The following EIF4G3 variants were observed in gnomAD, a reference collection of about 807,000 sequenced individuals.
EIF4G3 encodes the protein eukaryotic translation initiation factor 4 gamma 3.
A neutral mutation model predicts 186.4 loss-of-function variants in EIF4G3; 34 were observed. The observed-to-expected ratio is 0.18, with a 90% CI of 0.14 to 0.24. The LOEUF is 0.24. Ranked by LOEUF, EIF4G3 falls within the 10% of genes least tolerant of loss-of-function variation. The pLI is 1.00. For synonymous variants in EIF4G3, 673 were observed against 679.5 expected (o/e 0.99, Z 0.15); for missense variants, 1,536 against 1,948.5 (o/e 0.79, Z 3.99).
chr1:20,808,813 C>T (rs1031501302), intron 36 of EIF4G3, among the ~76,000 whole-genome samples: 2 of 152,022 alleles, frequency 1.3e-5, no homozygotes, highest in Non-Finnish European at 2.9e-5. Flanking sequence ...TTTTAATTCT[C>T]GGTTTTACTC....
At chr1:21,107,711 T>C (rs1043081791) in intron 2 of EIF4G3, among the ~76,000 whole-genome samples, 2 of 152,184 alleles carry the variant, frequency 1.3e-5, no homozygotes, top group African/African-American at 2.4e-5. Flanking sequence ...CAGGATCTCA[T>C]GCTGTCACCC....
At chr1:21,101,505 G>C (rs565348791) in intron 2 of EIF4G3, among the ~76,000 whole-genome samples, 1 of 140,162 alleles carries the variant, frequency 7.1e-6, no homozygotes, top group African/African-American at 2.6e-5. Flanking sequence ...AGGAGGTAGA[G>C]GTTGCAGTGA....
At chr1:21,070,874 G>C (rs2095421051) in intron 3 of EIF4G3, among the ~76,000 whole-genome samples, 1 of 152,042 alleles carries the variant, frequency 6.6e-6, no homozygotes, top group African/African-American at 2.4e-5. Flanking sequence ...AACTTCCAAA[G>C]AACTTGAAAG....
At chr1:20,827,070 G>C (rs2063834440) in intron 32 of EIF4G3, among the ~76,000 whole-genome samples, 1 of 152,162 alleles carries the variant, frequency 6.6e-6, no homozygotes. Flanking sequence ...GCGTAAGTAA[G>C]TCAGAAATCA....
At chr1:21,121,092 AT>A (rs1375637136) in intron 2 of EIF4G3, among the ~76,000 whole-genome samples, 1 of 152,030 alleles carries the variant, frequency 6.6e-6, no homozygotes, top group Non-Finnish European at 1.5e-5. Context: ...CTAATTTTTA[AT>A]ATTTTATACA....
chr1:20,945,342 G>A (rs1334787467), intron 13 of EIF4G3, among the ~76,000 whole-genome samples: 1 of 152,020 alleles, frequency 6.6e-6, no homozygotes, highest in Non-Finnish European at 1.5e-5. Context: ...TCAACTAAAT[G>A]TTCAACAATA....
At chr1:21,089,353 A>T in intron 2 of EIF4G3, 140 bp from the exon 3 acceptor site, 1 of 597,698 alleles carries the variant, frequency 1.7e-6, no homozygotes, top group South Asian at 2.0e-5. Flanking sequence ...TAAAACTAAA[A>T]ACCAAATGTT....
intron 20 of EIF4G3, among the ~76,000 whole-genome samples, chr1:20,868,798 A>C (rs1042305334): frequency 6.6e-6 from 1 of 152,210 alleles, no homozygotes; most frequent in Admixed American, 6.5e-5. Flanking sequence ...CTGCTTGATA[A>C]GCTGAATTCA....
chr1:20,857,247 A>C (rs913407577), intron 25 of EIF4G3, among the ~76,000 whole-genome samples, 156 bp downstream of exon 25: 1 of 152,036 alleles, frequency 6.6e-6, no homozygotes, highest in Admixed American at 6.6e-5. Context: ...GCATTAAAAA[A>C]TAACCACCCC....
chr1:21,119,387 T>C (rs1355060982), intron 2 of EIF4G3, among the ~76,000 whole-genome samples: 1 of 152,102 alleles, frequency 6.6e-6, no homozygotes, highest in Non-Finnish European at 1.5e-5. Flanking sequence ...ATTTCCTTTA[T>C]AAAATGACTA....
At chr1:21,004,872 G>A (rs1038454025) in intron 4 of EIF4G3, among the ~76,000 whole-genome samples, 3 of 151,870 alleles carry the variant, frequency 2.0e-5, no homozygotes, top group South Asian at 4.2e-4. Context: ...ATCTTTCAAC[G>A]TGGTAATCTT....
intron 2 of EIF4G3, among the ~76,000 whole-genome samples, chr1:21,146,534 G>A (rs1364126843): frequency 6.6e-6 from 1 of 152,124 alleles, no homozygotes; most frequent in Non-Finnish European, 1.5e-5. Flanking sequence ...GCCAAAGCAG[G>A]TGAATCAGCT....
intron 13 of EIF4G3, among the ~76,000 whole-genome samples, chr1:20,943,127 C>T (rs1052804995): frequency 3.9e-5 from 6 of 152,082 alleles, no homozygotes; most frequent in Non-Finnish European, 8.8e-5. Context: ...TGCATCACTG[C>T]ACTCCAGCCT....
chr1:21,063,434 G>A (rs1024357199), intron 3 of EIF4G3, among the ~76,000 whole-genome samples: 27 of 152,112 alleles, frequency 1.8e-4, no homozygotes, highest in African/African-American at 6.3e-4. Flanking sequence ...TGTGACAGTT[G>A]TTTGAACACT....
At chr1:21,141,656 C>G (rs957352666) in intron 2 of EIF4G3, among the ~76,000 whole-genome samples, 4 of 152,074 alleles carry the variant, frequency 2.6e-5, no homozygotes, top group Non-Finnish European at 5.9e-5. Context: ...AGGCCAGAAA[C>G]AGTGGCTCAT....
At chr1:20,919,235 G>A (rs1179558274) in intron 14 of EIF4G3, among the ~76,000 whole-genome samples, 1 of 151,896 alleles carries the variant, frequency 6.6e-6, no homozygotes, top group Non-Finnish European at 1.5e-5. Context: ...TTTAGACAGG[G>A]TCTCACTTAG....
chr1:20,823,506 C>T (rs1244887031), intron 33 of EIF4G3, among the ~76,000 whole-genome samples: 2 of 152,172 alleles, frequency 1.3e-5, no homozygotes, highest in African/African-American at 2.4e-5. Flanking sequence ...CTCAGTCTCT[C>T]GAGTAGCTTA....
At chr1:21,173,778 G>A (rs2098041335) in intron 2 of EIF4G3, among the ~76,000 whole-genome samples, 1 of 152,178 alleles carries the variant, frequency 6.6e-6, no homozygotes, top group Non-Finnish European at 1.5e-5. Context: ...ATCTATTCAA[G>A]CCATGAACAG....
At chr1:21,004,663 A>G (rs550001554) in intron 4 of EIF4G3, among the ~76,000 whole-genome samples, 1 of 152,358 alleles carries the variant, frequency 6.6e-6, no homozygotes, top group South Asian at 2.1e-4. Context: ...CTAAGATAAC[A>G]AAGTAAATAA....
Sources: allele counts gnomAD v4.1 joint callset (sites outside exome capture counted in the v4.1 genomes callset), GRCh38; gene constraint gnomAD v4.1.1; transcripts MANE v1.5; gene names NCBI Gene and HGNC (gene_info 2026-07-23, HGNC 2026-07-21).